Variants in SLC6A13 observed in about 807,000 individuals in gnomAD.
SLC6A13 encodes the protein solute carrier family 6 member 13.
Under a neutral mutation model 72.9 loss-of-function variants are expected in SLC6A13, and 69 were observed. The ratio of observed to expected loss-of-function variants is 0.95; its 90% confidence interval spans 0.78 to 1.16. SLC6A13 has a LOEUF of 1.16. SLC6A13 is among the 50% of genes most tolerant of loss of function. The pLI, the probability that SLC6A13 is intolerant of heterozygous loss-of-function variation, is 0.00. For synonymous variants in SLC6A13, 303 were observed against 303.0 expected, an observed-to-expected ratio of 1.00 and a Z score of 0.00; for missense variants, 735 against 760.5, an observed-to-expected ratio of 0.97 and a Z score of 0.39.
chr12:250,075 A>G (rs1214257341), intron 2 of SLC6A13, among the ~76,000 whole-genome samples: 1 of 152,152 alleles, frequency 6.6e-6, no homozygotes, highest in Non-Finnish European at 1.5e-5. Context: ...ACAGTAAAGT[A>G]TTTGACTGAA....
chr12:260,069 G>A lies in SLC6A13; in HGVS notation c.-5-12C>T. On this transcript the variant is annotated splice_polypyrimidine_tract_variant and intron_variant, in intron 1 of 14. Transcript: ENST00000343164. The stretch of plus-strand genomic sequence containing the variant: ...GCTATCCATCCCACCTGGAAAACAA[G>A]TGGGATGCTCTGTTACTGTTGGGAA... 1.2e-6 allele frequency: 2 copies of A among 1,609,872 alleles called. No homozygotes were observed. The highest frequency in any genetic ancestry group is 8.5e-7 in the Non-Finnish European group (1 of 1,176,780).
intron 4 of SLC6A13, among the ~76,000 whole-genome samples, chr12:242,167 C>T (rs755106783): frequency 1.3e-5 from 2 of 152,178 alleles, no homozygotes; most frequent in African/African-American, 2.4e-5. Flanking sequence ...CCACAGTGGA[C>T]CCTTGAGCAA....
chr12:236,639 T>C (rs1183467342), intron 6 of SLC6A13, among the ~76,000 whole-genome samples: 1 of 152,182 alleles, frequency 6.6e-6, no homozygotes, highest in Non-Finnish European at 1.5e-5. Context: ...GATTGTCAGA[T>C]ATGAAAAGAT....
Position 220,659 on chromosome 12 carries a change from G to A in SLC6A13, c.*289C>T. The A allele has an allele frequency of 2.6e-6, 1 of 390,528 alleles. No homozygotes were observed. Among genetic ancestry groups the A allele is most frequent in the Non-Finnish European group, 4.7e-6 (1 of 210,772 alleles). The allele number at this position is 390,528 out of a possible 1,614,324, so 24.2% of individuals were successfully genotyped here. A position where few individuals can be genotyped will look rare whatever the true frequency, so the allele number is the denominator to read the frequency against. ...ATGTGGATTTAATGGAATGAAGGAT[G>A]AGAGGGCCCGAAGCCAGCAAGTCTC... On this transcript the variant is annotated 3_prime_UTR_variant, in exon 15 of 15. Coordinates refer to ENST00000343164, the MANE Select transcript of SLC6A13 (RefSeq NM_016615.5).
intron 2 of SLC6A13, among the ~76,000 whole-genome samples, chr12:248,457 C>T (rs891309452): frequency 3.4e-5 from 5 of 147,754 alleles, no homozygotes; most frequent in African/African-American, 1.2e-4. Context: ...CAAAATAAAT[C>T]TGTAAAGTTT....
chr12:253,540 T>C (rs1315411567), intron 2 of SLC6A13: 1 of 152,368 alleles, frequency 6.6e-6, no homozygotes, highest in Non-Finnish European at 1.5e-5. Flanking sequence ...GGCATCCCAG[T>C]GCACCTTCTT....
chr12:239,359 C>T (rs1356103537), intron 4 of SLC6A13, among the ~76,000 whole-genome samples: 4 of 151,936 alleles, frequency 2.6e-5, no homozygotes, highest in East Asian at 1.9e-4. Flanking sequence ...CACGTCCACC[C>T]GGTTCCCTGC....
In SLC6A13 at chr12:262,799, C is replaced by CT. The variant is rs1942971117; in HGVS notation, c.-17dup. 2 of 581,586 alleles carry CT rather than the reference C, an allele frequency of 3.4e-6. No individual in the cohort carries two copies. The highest frequency in any genetic ancestry group is 4.3e-6 in the Non-Finnish European group (2 of 461,282). 36.0% of individuals were successfully genotyped at this position (581,586 alleles called of 1,614,324 possible). ...GAAAACATTTCGAACCTTAGTGAAG[C>CT]TGCTGCCAGAGGTCCAGTCAGGGGA... On this transcript the variant is annotated 5_prime_UTR_variant, in exon 1 of 15. Coordinates refer to ENST00000343164, the MANE Select transcript of SLC6A13 (RefSeq NM_016615.5).
chr12:220,684 C>T lies in SLC6A13; in HGVS notation c.*264G>A, dbSNP rs879461539. ...GAGAGGGCCCGAAGCCAGCAAGTCT[C>T]GCCCCACCTACCAGCCCCCACCCAG... On this transcript the variant is annotated 3_prime_UTR_variant, in exon 15 of 15. Transcript: ENST00000343164. 9 of 442,292 alleles carry T rather than the reference C, an allele frequency of 2.0e-5. No individual in the cohort carries two copies. The highest frequency in any genetic ancestry group is 4.9e-5 in the East Asian group (1 of 20,526). The allele number at this position is 442,292 out of a possible 1,614,324, so 27.4% of individuals were successfully genotyped here.
intron 7 of SLC6A13, among the ~76,000 whole-genome samples, chr12:229,646 C>A (rs1941621906): frequency 6.6e-6 from 1 of 152,196 alleles, no homozygotes; most frequent in Admixed American, 6.5e-5. Flanking sequence ...GTCGGGCGCC[C>A]CCTCCCAAAA....
chr12:220,979 A>G lies in SLC6A13; in HGVS notation c.1778T>C (p.Leu593Pro). The G allele has an allele frequency of 1.9e-6, 3 of 1,613,072 alleles. No homozygotes were observed. Among genetic ancestry groups the G allele is most frequent in the Non-Finnish European group, 2.5e-6 (3 of 1,179,948 alleles). ...SAPATPRTSL[L>P]RLTELESHC ...GTGAGACTCTAGCTCTGTGAGTCTG[A>G]GCAGTGAGGTCCTGGGGGTGGCGGG... The change falls in exon 15 of 15, where the codon CTC (leucine) becomes CCC (proline). Residue 593 changes from leucine to proline, a missense_variant. Coordinates refer to ENST00000343164, the MANE Select transcript of SLC6A13 (RefSeq NM_016615.5).
At position 246,035 on chromosome 12, in the gene SLC6A13, G is replaced by A. The variant is rs909345929; in HGVS notation, c.203-2222C>T. 6.9e-4 allele frequency among the ~76,000 whole-genome samples: 103 copies of A among 149,620 alleles called. 1 individual carries two copies. The highest frequency in any genetic ancestry group is 1.1e-3 in the South Asian group (5 of 4,694). On this transcript the variant is annotated intron_variant, in intron 2 of 14. Transcript: ENST00000343164. ...TGGGAGGCTGAGGAAGGAGAATGGC[G>A]TGAACCCAGGAGGCGGAGGTTGCAG...
In SLC6A13 at chr12:223,175, C is replaced by T. The variant is rs200967417; in HGVS notation, c.1371G>A (p.Leu457=). Residue 457 remains leucine (L), a synonymous_variant, in exon 12 of 15, where the codon CTG becomes CTA. Coordinates refer to ENST00000343164, the MANE Select transcript of SLC6A13 (RefSeq NM_016615.5). ...DYYAASGMCL[L]FVAIFESLCV... ...AGAGGGACTCGAAGATGGCCACGAA[C>T]AGGAGGCACATGCCACTGGCCGCAT... 1.9e-6 allele frequency: 3 copies of T among 1,613,964 alleles called. No homozygotes were observed. In the African/African-American group the frequency reaches 4.0e-5, roughly 22 times the overall value.
intron 6 of SLC6A13, among the ~76,000 whole-genome samples, chr12:236,235 G>C (rs1280011660): frequency 6.6e-6 from 1 of 152,042 alleles, no homozygotes; most frequent in Non-Finnish European, 1.5e-5. Context: ...TGAGATCTTT[G>C]TACCTACTCC....
intron 1 of SLC6A13, among the ~76,000 whole-genome samples, chr12:261,646 G>A (rs1942929302): frequency 6.6e-6 from 1 of 152,214 alleles, no homozygotes. Context: ...CAGTGAACAG[G>A]CCGGGTGCAA....
chr12:225,321 C>T (rs1252413779), intron 9 of SLC6A13, among the ~76,000 whole-genome samples: 1 of 152,230 alleles, frequency 6.6e-6, no homozygotes, highest in Non-Finnish European at 1.5e-5. Flanking sequence ...AGTAGAGTGC[C>T]TCGCCCAGCA....
chr12:229,935 G>A (rs1206930085), intron 7 of SLC6A13, among the ~76,000 whole-genome samples: 6 of 152,082 alleles, frequency 3.9e-5, no homozygotes, highest in African/African-American at 7.2e-5. Context: ...TTGGGGGAGA[G>A]GTTAATGAGA....
At chr12:239,856 G>A (rs1205215229) in intron 4 of SLC6A13, among the ~76,000 whole-genome samples, 3 of 152,118 alleles carry the variant, frequency 2.0e-5, no homozygotes, top group Non-Finnish European at 4.4e-5. Context: ...TCATCTTGGC[G>A]GGACAGCGTG....
chr12:233,745 G>A (rs7303797), intron 7 of SLC6A13, among the ~76,000 whole-genome samples: 16,675 of 152,158 alleles, frequency 0.11, 969 homozygotes, highest in African/African-American at 0.14. Context: ...GCCCTTGAGA[G>A]ATATTACTAG....
Sources: gnomAD v4.1 joint callset for allele counts (sites outside exome capture counted in the v4.1 genomes callset) on GRCh38, gnomAD v4.1.1 for gene constraint, MANE v1.5 for transcripts, NCBI Gene and HGNC (gene_info 2026-07-23, HGNC 2026-07-21) for gene names.